The following RIPOR2 variants were observed in gnomAD, a reference collection of about 807,000 sequenced individuals.
RIPOR2 encodes the protein RHO family interacting cell polarization regulator 2, also known as rho family-interacting cell polarization regulator 2.
RIPOR2 carries 39 observed loss-of-function variants against 114.5 expected under a neutral mutation model. The ratio of observed to expected loss-of-function variants is 0.34; its 90% CI spans 0.26 to 0.44. The LOEUF (loss-of-function observed/expected upper bound fraction) is 0.44, where lower values mean the gene tolerates loss of function less well. RIPOR2 is among the 20% of genes least tolerant of loss of function. The pLI is 1.00. For missense variants in RIPOR2, 1,007 were observed against 1,255.1 expected (o/e 0.80, Z 2.99); for synonymous variants, 445 against 484.4 (o/e 0.92, Z 1.07).
intron 1 of RIPOR2, among the ~76,000 whole-genome samples, chr6:25,004,617 G>T (rs945945943): frequency 2.0e-5 from 3 of 152,180 alleles, no homozygotes; most frequent in African/African-American, 7.2e-5. Flanking sequence ...AGGCCAATCA[G>T]AGAGATCCCA....
At chr6:25,038,041 A>T (rs1333148605) in intron 1 of RIPOR2, among the ~76,000 whole-genome samples, 1 of 152,256 alleles carries the variant, frequency 6.6e-6, no homozygotes, top group African/African-American at 2.4e-5. Context: ...AGGAAATTAG[A>T]TGAAGCAAAT....
chr6:24,975,862 A>T (rs976613963), intron 1 of RIPOR2, among the ~76,000 whole-genome samples: 1 of 152,076 alleles, frequency 6.6e-6, no homozygotes, highest in South Asian at 2.1e-4. Flanking sequence ...TTATTTATCA[A>T]TCATACCTCA....
chr6:24,838,751 A>G (rs567798407), intron 14 of RIPOR2, among the ~76,000 whole-genome samples: 36 of 152,210 alleles, frequency 2.4e-4, no homozygotes, highest in African/African-American at 7.2e-4. Context: ...CTGAGATCGC[A>G]CCACTGCACT....
chr6:24,892,485 C>T (rs1434357363), intron 1 of RIPOR2, among the ~76,000 whole-genome samples: 1 of 152,182 alleles, frequency 6.6e-6, no homozygotes, highest in Non-Finnish European at 1.5e-5. Flanking sequence ...TTTTTATTTT[C>T]TGGGACTCAA....
rs375187989 is a variant in RIPOR2, at chr6:24,861,547, T to C, written c.652-511A>G. ...TCAATTTTCTTGGTTGTAGTAATGG[T>C]ATGTGGTTATGTAGGAAATGTAGAT... On this transcript the variant is annotated intron_variant, in intron 7 of 21. Coordinates refer to ENST00000643898, the MANE Select transcript of RIPOR2 (RefSeq NM_001286445.3). Among the ~76,000 whole-genome samples the C allele has an allele frequency of 7.5e-4, 115 of 152,340 alleles. 5 individuals carry two copies. The South Asian group carries it at 0.023, about 30-fold the overall frequency.
At chr6:24,852,530 C>G in intron 9 of RIPOR2, 45 bp downstream of exon 9, 1 of 1,447,438 alleles carries the variant, frequency 6.9e-7, no homozygotes, top group Non-Finnish European at 9.7e-7. Flanking sequence ...TGGCCCCTAC[C>G]CTTCAGGTCC....
At chr6:24,943,885 T>C (rs1772271798) in intron 1 of RIPOR2, among the ~76,000 whole-genome samples, 1 of 152,228 alleles carries the variant, frequency 6.6e-6, no homozygotes, top group Non-Finnish European at 1.5e-5. Context: ...CACAAGCCTT[T>C]TTATTTAATC....
intron 19 of RIPOR2, among the ~76,000 whole-genome samples, chr6:24,819,467 A>G (rs955290394): frequency 6.6e-6 from 1 of 152,046 alleles, no homozygotes; most frequent in African/African-American, 2.4e-5. Flanking sequence ...TGAGTTTGAT[A>G]CATGGCAAAT....
At chr6:25,011,534 A>G (rs1370090519) in intron 1 of RIPOR2, among the ~76,000 whole-genome samples, 1 of 152,264 alleles carries the variant, frequency 6.6e-6, no homozygotes, top group African/African-American at 2.4e-5. Flanking sequence ...GGCCTGTGTT[A>G]CACTATAATG....
chr6:25,017,111 G>A (rs1272882921), intron 1 of RIPOR2, among the ~76,000 whole-genome samples: 4 of 152,154 alleles, frequency 2.6e-5, no homozygotes, highest in African/African-American at 7.2e-5. Flanking sequence ...AGGCTGAGAC[G>A]GGTGGATCAC....
At chr6:24,884,183 C>A (rs1187367643) in intron 1 of RIPOR2, among the ~76,000 whole-genome samples, 1 of 151,696 alleles carries the variant, frequency 6.6e-6, no homozygotes, top group South Asian at 2.1e-4. Flanking sequence ...CTGAGGCGGG[C>A]GGATCATGAG....
intron 1 of RIPOR2, among the ~76,000 whole-genome samples, chr6:24,889,318 T>A (rs1767109484): frequency 6.6e-6 from 1 of 152,232 alleles, no homozygotes; most frequent in African/African-American, 2.4e-5. Context: ...CTCTATTCTG[T>A]GGTTGCATTT....
At chr6:25,008,500 C>T (rs1775648005) in intron 1 of RIPOR2, among the ~76,000 whole-genome samples, 1 of 152,224 alleles carries the variant, frequency 6.6e-6, no homozygotes, top group Non-Finnish European at 1.5e-5. Context: ...AAACAGGCTC[C>T]AAGCCTTGAG....
intron 1 of RIPOR2, among the ~76,000 whole-genome samples, chr6:25,013,176 T>C (rs1775843447): frequency 6.6e-6 from 1 of 152,370 alleles, no homozygotes; most frequent in African/African-American, 2.4e-5. Flanking sequence ...TTCTTTTCTT[T>C]GTTTTTAAAA....
intron 6 of RIPOR2, among the ~76,000 whole-genome samples, chr6:24,866,320 A>G (rs757102343): frequency 2.0e-5 from 3 of 152,144 alleles, no homozygotes; most frequent in South Asian, 4.1e-4. Flanking sequence ...TATTGATTTT[A>G]TACTCATATA....
At chr6:24,819,102 C>G (rs1369638478) in intron 19 of RIPOR2, among the ~76,000 whole-genome samples, 1 of 151,768 alleles carries the variant, frequency 6.6e-6, no homozygotes, top group Non-Finnish European at 1.5e-5. Flanking sequence ...GTCCATGACT[C>G]TAGGAGAATA....
At chr6:24,939,901 A>G (rs1384024742), upstream of RIPOR2, among the ~76,000 whole-genome samples, 6 of 152,248 alleles carry the variant, frequency 3.9e-5, no homozygotes, top group Non-Finnish European at 8.8e-5. Context: ...GCACAGGAAC[A>G]TAGCAAAGCT....
In RIPOR2 at chr6:24,865,460, T is replaced by G. The variant is rs199905499; in HGVS notation, c.502-10A>C. The G allele has an allele frequency of 9.0e-5, 144 of 1,594,444 alleles. No homozygotes were observed. The highest frequency in any genetic ancestry group is 4.7e-5 in the Non-Finnish European group (55 of 1,168,516). On this transcript the variant is annotated splice_polypyrimidine_tract_variant and intron_variant, in intron 6 of 21. Coordinates refer to ENST00000643898, the MANE Select transcript of RIPOR2 (RefSeq NM_001286445.3). ...CATAGAGTTCATCTACCTGCCAGAA[T>G]CAAAACAGGAAACAGAAATAAATGT...
chr6:24,829,246 G>A (rs1009820985), intron 17 of RIPOR2, among the ~76,000 whole-genome samples: 2 of 152,116 alleles, frequency 1.3e-5, no homozygotes, highest in Admixed American at 6.5e-5. Flanking sequence ...CCTGGGAGGC[G>A]AAGGTTGCAG....
Sources: gnomAD v4.1 joint callset for allele counts (sites outside exome capture counted in the v4.1 genomes callset) on GRCh38, gnomAD v4.1.1 for gene constraint, MANE v1.5 for transcripts, NCBI Gene and HGNC (gene_info 2026-07-23, HGNC 2026-07-21) for gene names.